Variants in GNB5 observed in about 807,000 individuals in gnomAD.
The protein encoded by GNB5 is G protein subunit beta 5, also known as guanine nucleotide-binding protein subunit beta-5.
In GNB5, 37 loss-of-function variants were observed where a neutral mutation model predicts 55.3. The ratio of observed to expected loss-of-function variants is 0.67; its 90% CI spans 0.51 to 0.88. The LOEUF is 0.88. Ranked by LOEUF, GNB5 falls within the 40% of genes least tolerant of loss-of-function variation. GNB5 has a pLI of 0.00. For synonymous variants in GNB5, 219 were observed against 198.5 expected, an observed-to-expected ratio of 1.10 and a Z score of -0.87; for missense variants, 476 against 515.3, an observed-to-expected ratio of 0.92 and a Z score of 0.74.
intron 3 of GNB5, among the ~76,000 whole-genome samples, chr15:52,176,087 A>AGT (rs2034644584): frequency 1.1e-5 from 1 of 87,458 alleles, no homozygotes; most frequent in South Asian, 3.6e-4. Context: ...AAACAAAAAC[A>AGT]TCTGTTAACT....
At chr15:52,147,851 G>A (rs1368067405) in intron 5 of GNB5, among the ~76,000 whole-genome samples, 1 of 152,058 alleles carries the variant, frequency 6.6e-6, no homozygotes, top group Admixed American at 6.5e-5. Context: ...CCAAAGTGCT[G>A]GGATTACGGG....
chr15:52,146,019 C>T (rs550696250), intron 6 of GNB5, among the ~76,000 whole-genome samples: 2 of 146,170 alleles, frequency 1.4e-5, no homozygotes, highest in African/African-American at 2.6e-5. Flanking sequence ...TGCAGTGGCG[C>T]GATCTTGGCT....
Position 52,179,865 on chromosome 15 carries a change from C to T in GNB5, c.141G>A (p.Gly47=). 1.3e-6 allele frequency: 2 copies of T among 1,547,196 alleles called. No individual in the cohort carries two copies. Among genetic ancestry groups the T allele is most frequent in the Non-Finnish European group, 1.7e-6 (2 of 1,147,982 alleles). ...ACGCCAGCGTCTCGTTCTCGTGCAG[C>T]CCCTCGGTTGCCATCTTCGCGCGGG... ...STCAEIMATE[G]LHENETLASL... is the part of the protein sequence containing the mutation. The change falls in exon 3 of 13, where the codon GGG becomes GGA. Residue 47 remains glycine (G), a synonymous_variant. Coordinates refer to ENST00000261837, the MANE Select transcript of GNB5 (RefSeq NM_016194.4).
intron 1 of GNB5, among the ~76,000 whole-genome samples, chr15:52,187,296 G>A (rs1384939383): frequency 6.6e-6 from 1 of 152,168 alleles, no homozygotes; most frequent in East Asian, 1.9e-4. Context: ...GCCACAGGCT[G>A]TTAAGCAAGG....
chr15:52,179,730 G>T, intron 3 of GNB5, 38 bp downstream of exon 3: 1 of 1,331,544 alleles, frequency 7.5e-7, no homozygotes, highest in Non-Finnish European at 9.9e-7. Flanking sequence ...TGGCGAGCCG[G>T]TCCGGCTTGC....
chr15:52,127,365 C>T (rs139577797), intron 10 of GNB5, among the ~76,000 whole-genome samples: 1 of 152,280 alleles, frequency 6.6e-6, no homozygotes, highest in African/African-American at 2.4e-5. Context: ...GCATTTTACC[C>T]TCTTCTTTAA....
At chr15:52,132,488 GTT>G (rs75509196) in intron 9 of GNB5, among the ~76,000 whole-genome samples, 14 of 134,008 alleles carry the variant, frequency 1.0e-4, no homozygotes, top group Non-Finnish European at 1.5e-4. Context: ...GTTTGTTTGG[GTT>G]TTTTTTTTTT....
At chr15:52,129,950 A>C (rs933859669) in intron 9 of GNB5, among the ~76,000 whole-genome samples, 13 of 152,148 alleles carry the variant, frequency 8.5e-5, no homozygotes, top group African/African-American at 3.1e-4. Flanking sequence ...GCAGAATGAA[A>C]ACTATATTTC....
At chr15:52,177,650 C>CAAAA (rs112539098) in intron 3 of GNB5, among the ~76,000 whole-genome samples, 14 of 92,064 alleles carry the variant, frequency 1.5e-4, no homozygotes, top group African/African-American at 4.7e-4. Context: ...GACTCCGTGT[C>CAAAA]AAAAAAAAAA....
rs2034221010 is a variant in GNB5 at position 52,156,989 on chromosome 15, G to A, written c.239-2913C>T. On this transcript the variant is annotated intron_variant, in intron 3 of 12. Transcript: ENST00000261837. ...CTCGCTCGGTCGCCCAGGCTGGAGT[G>A]CAGTGGCGGGATCTCGGCTCACTGC... 2.7e-5 allele frequency among the ~76,000 whole-genome samples: 4 copies of A among 148,676 alleles called. No individual in the cohort carries two copies. In the South Asian group the frequency reaches 8.5e-4, roughly 32 times the overall value.
At chr15:52,160,421 G>A (rs1181215605) in intron 3 of GNB5, among the ~76,000 whole-genome samples, 2 of 152,160 alleles carry the variant, frequency 1.3e-5, no homozygotes, top group African/African-American at 2.4e-5. Context: ...TAGGAGCTGC[G>A]AACTAGAAGA....
rs780097657 is a variant in GNB5, at chr15:52,124,512, C to A, written c.1137G>T (p.Gly379=). ...RVSTLRVSPD[G]TAFCSGSWDH... is the part of the protein sequence containing the mutation. ...CCCATGATCCAGAGCAGAAAGCAGT[C>A]CCATCGGGGGAAACTCGTAGAGTGC... is the stretch of plus-strand genomic sequence containing the variant. Residue 379 remains glycine (G), a synonymous_variant, in exon 12 of 13, where the codon GGG becomes GGT. Transcript: ENST00000261837. 2 of 1,614,000 alleles carry A rather than the reference C, an allele frequency of 1.2e-6. No individual in the cohort carries two copies. Among genetic ancestry groups the A allele is most frequent in the Non-Finnish European group, 1.7e-6 (2 of 1,179,852 alleles).
At chr15:52,183,341 G>GGC (rs1200124831) in intron 2 of GNB5, among the ~76,000 whole-genome samples, 1 of 151,474 alleles carries the variant, frequency 6.6e-6, no homozygotes, top group Non-Finnish European at 1.5e-5. Flanking sequence ...AATGGGGGGG[G>GGC]GGTAAGGCCC....
At chr15:52,172,533 A>G (rs2034573445) in intron 3 of GNB5, among the ~76,000 whole-genome samples, 2 of 152,142 alleles carry the variant, frequency 1.3e-5, no homozygotes, top group South Asian at 4.2e-4. Context: ...TAATCCCAGC[A>G]CTTTGGGAGG....
intron 1 of GNB5, among the ~76,000 whole-genome samples, chr15:52,188,560 A>G (rs752524821): frequency 6.6e-6 from 1 of 152,162 alleles, no homozygotes; most frequent in Non-Finnish European, 1.5e-5. Flanking sequence ...CTTATTGTCA[A>G]TATCCTTTTT....
chr15:52,157,752 T>C (rs1300156771), intron 3 of GNB5, among the ~76,000 whole-genome samples: 1 of 152,184 alleles, frequency 6.6e-6, no homozygotes, highest in Non-Finnish European at 1.5e-5. Context: ...TGAATTTGAA[T>C]AGATCCCAAC....
rs745592298 is a variant in GNB5, at chr15:52,141,122, C to A, written c.627+18G>T. ...GCTCCTTGGCAGGTCAACCTGACAC[C>A]GGGGGCTGCCTATTTACCTGCATGT... On this transcript the variant is annotated intron_variant, in intron 7 of 12. Coordinates refer to ENST00000261837, the MANE Select transcript of GNB5 (RefSeq NM_016194.4). 2 of 1,613,352 alleles carry A rather than the reference C, an allele frequency of 1.2e-6. No homozygotes were observed. Among genetic ancestry groups the A allele is most frequent in the Non-Finnish European group, 1.7e-6 (2 of 1,179,462 alleles).
intron 6 of GNB5, among the ~76,000 whole-genome samples, chr15:52,145,882 C>G (rs1042386544): frequency 2.0e-5 from 3 of 152,136 alleles, no homozygotes; most frequent in African/African-American, 7.2e-5. Flanking sequence ...AAGAAAAATC[C>G]CCATAGTCCC....
chr15:52,186,231 A>G (rs2034844291), intron 1 of GNB5, among the ~76,000 whole-genome samples: 1 of 152,200 alleles, frequency 6.6e-6, no homozygotes, highest in Non-Finnish European at 1.5e-5. Flanking sequence ...AATTCCTAAC[A>G]ACTTTGTATC....
Sources: allele counts gnomAD v4.1 joint callset (sites outside exome capture counted in the v4.1 genomes callset), GRCh38; gene constraint gnomAD v4.1.1; transcripts MANE v1.5; gene names NCBI Gene and HGNC (gene_info 2026-07-23, HGNC 2026-07-21).